Variants in LRRC37A2 observed in about 807,000 individuals in gnomAD.
The protein encoded by LRRC37A2 is leucine-rich repeat-containing protein 37A2.
In LRRC37A2, 9 loss-of-function variants were observed where a neutral mutation model predicts 68.8. The ratio of observed to expected loss-of-function variants is 0.13; its 90% confidence interval spans 0.08 to 0.23. LRRC37A2 has a LOEUF of 0.23. Ranked by LOEUF, LRRC37A2 falls within the 10% of genes least tolerant of loss-of-function variation. The pLI, the probability that LRRC37A2 is intolerant of heterozygous loss-of-function variation, is 1.00. For missense variants in LRRC37A2, 168 were observed against 950.4 expected, an observed-to-expected ratio of 0.18 and a Z score of 10.82; for synonymous variants, 63 against 367.6, an observed-to-expected ratio of 0.17 and a Z score of 9.48.
chr17:46,931,363 T>G, the LRRC37A2 span: 1 of 663,880 alleles, frequency 1.5e-6, no homozygotes, highest in Non-Finnish European at 2.7e-6. Flanking sequence ...CACAATTCTA[T>G]CTGAGTGATG....
At chr17:46,779,845 G>A in the LRRC37A2 span, among the ~76,000 whole-genome samples, 1 of 152,206 alleles carries the variant, frequency 6.6e-6, no homozygotes, top group Non-Finnish European at 1.5e-5. Context: ...TGCAACCTCT[G>A]CCTCCCAAGT....
At chr17:46,535,034 C>G (rs1382244021) in intron 6 of LRRC37A2, among the ~76,000 whole-genome samples, 2 of 149,718 alleles carry the variant, frequency 1.3e-5, no homozygotes, top group Non-Finnish European at 2.9e-5. Flanking sequence ...AGGCGCTCCT[C>G]ACATCCCAGA....
the LRRC37A2 span, among the ~76,000 whole-genome samples, chr17:46,795,691 C>T: frequency 1.3e-5 from 2 of 152,216 alleles, no homozygotes; most frequent in Admixed American, 6.5e-5. Flanking sequence ...TGCTGTTCTG[C>T]GGCACTGCTG....
chr17:46,779,101 A>ACACACACACACACACACACC, the LRRC37A2 span, among the ~76,000 whole-genome samples: 2 of 139,976 alleles, frequency 1.4e-5, no homozygotes, highest in Non-Finnish European at 3.0e-5. Flanking sequence ...ACACACACAC[A>ACACACACACACACACACACC]CACCCCAGCC....
At chr17:47,009,029 C>T in the LRRC37A2 span, among the ~76,000 whole-genome samples, 2 of 151,644 alleles carry the variant, frequency 1.3e-5, no homozygotes, top group South Asian at 2.1e-4. Flanking sequence ...TTTTATTACT[C>T]GCTTCAATAT....
the LRRC37A2 span, among the ~76,000 whole-genome samples, chr17:46,502,946 C>A: frequency 6.6e-6 from 1 of 150,622 alleles, no homozygotes; most frequent in Non-Finnish European, 1.5e-5. Context: ...GGCGTGGTGG[C>A]TCACGCCTGT....
the LRRC37A2 span, among the ~76,000 whole-genome samples, chr17:46,891,202 G>A: frequency 1.3e-5 from 2 of 152,252 alleles, no homozygotes; most frequent in African/African-American, 2.4e-5. Flanking sequence ...TGGGTATTAC[G>A]TGTTAATAAT....
the LRRC37A2 span, among the ~76,000 whole-genome samples, chr17:46,787,193 A>G: frequency 6.6e-6 from 1 of 151,566 alleles, no homozygotes; most frequent in East Asian, 1.9e-4. Context: ...CTCCCACCTC[A>G]GCCTCCCCAA....
At chr17:46,971,124 G>A in the LRRC37A2 span, among the ~76,000 whole-genome samples, 1 of 152,106 alleles carries the variant, frequency 6.6e-6, no homozygotes, top group Non-Finnish European at 1.5e-5. Context: ...GATCATTTGA[G>A]GTCAGGAGTT....
At chr17:46,808,164 G>C in the LRRC37A2 span, among the ~76,000 whole-genome samples, 303 of 152,320 alleles carry the variant, frequency 2.0e-3, no homozygotes, top group African/African-American at 7.0e-3. Flanking sequence ...ACTGAGGCCC[G>C]GGAGGCAGTG....
the LRRC37A2 span, among the ~76,000 whole-genome samples, chr17:46,861,665 T>C: frequency 6.6e-6 from 1 of 152,122 alleles, no homozygotes; most frequent in East Asian, 1.9e-4. Flanking sequence ...TGGCCTCTTC[T>C]ACACCCAAGC....
At chr17:46,741,039 G>T in the LRRC37A2 span, among the ~76,000 whole-genome samples, 1 of 152,082 alleles carries the variant, frequency 6.6e-6, no homozygotes, top group Non-Finnish European at 1.5e-5. Flanking sequence ...TGGGGGCAGG[G>T]GCAAGAGTGG....
chr17:46,894,325 C>T, the LRRC37A2 span, among the ~76,000 whole-genome samples: 12 of 152,198 alleles, frequency 7.9e-5, no homozygotes, highest in Non-Finnish European at 1.2e-4. Flanking sequence ...CTTCTCTGGG[C>T]CTTGGGCTCT....
the LRRC37A2 span, among the ~76,000 whole-genome samples, chr17:46,765,945 C>T: frequency 6.6e-6 from 1 of 152,218 alleles, no homozygotes; most frequent in Non-Finnish European, 1.5e-5. Context: ...GAGTGTCCTC[C>T]ACTGGTCACA....
chr17:46,967,012 C>G, the LRRC37A2 span: 1 of 231,162 alleles, frequency 4.3e-6, no homozygotes, highest in East Asian at 8.4e-5. Flanking sequence ...GTGTGAAGTC[C>G]CTTGAAAGCA....
At chr17:46,798,213 G>A in the LRRC37A2 span, among the ~76,000 whole-genome samples, 1 of 152,340 alleles carries the variant, frequency 6.6e-6, no homozygotes, top group African/African-American at 2.4e-5. Context: ...ACAGGCATGA[G>A]CCACTGTGCC....
At chr17:47,022,733 C>A in the LRRC37A2 span, among the ~76,000 whole-genome samples, 1 of 152,148 alleles carries the variant, frequency 6.6e-6, no homozygotes, top group Non-Finnish European at 1.5e-5. Flanking sequence ...TCTTTCCTTC[C>A]CAGTACTTAG....
At chr17:46,921,289 C>T in the LRRC37A2 span, 2 of 152,330 alleles carry the variant, frequency 1.3e-5, no homozygotes, top group Middle Eastern at 3.4e-3. Context: ...ATGTAGAAAG[C>T]TGAAACTGGA....
chr17:47,038,041 C>G, the LRRC37A2 span, among the ~76,000 whole-genome samples: 303 of 152,256 alleles, frequency 2.0e-3, 1 homozygote, highest in African/African-American at 5.6e-3. Context: ...CAGTGGCTCA[C>G]ACCTGTCATC....
Sources: gnomAD v4.1 joint callset for allele counts (sites outside exome capture counted in the v4.1 genomes callset) on GRCh38, gnomAD v4.1.1 for gene constraint, MANE v1.5 for transcripts, NCBI Gene and HGNC (gene_info 2026-07-23, HGNC 2026-07-21) for gene names.